The following AS3MT variants were observed in gnomAD, a reference collection of about 807,000 sequenced individuals.
AS3MT encodes S-adenosyl-L-methionine:arsenic(III) methyltransferase.
In AS3MT, 47 loss-of-function variants were observed where a neutral mutation model predicts 45.3. That is an observed-to-expected ratio of 1.04 (90% CI 0.82 to 1.32). The LOEUF (loss-of-function observed/expected upper bound fraction) is 1.32, where lower values mean the gene tolerates loss of function less well. Among genes scored for constraint, AS3MT ranks in the 40% most tolerant of loss-of-function variants. The pLI is 0.00. For missense variants in AS3MT, 396 were observed against 451.1 expected, an observed-to-expected ratio of 0.88 and a Z score of 1.11; for synonymous variants, 141 against 152.8, an observed-to-expected ratio of 0.92 and a Z score of 0.57.
At chr10:102,876,272 A>T (rs1844782979) in intron 6 of AS3MT, among the ~76,000 whole-genome samples, 1 of 151,770 alleles carries the variant, frequency 6.6e-6, no homozygotes. Context: ...TTTAATAGAA[A>T]TGGGGTCTTG....
chr10:102,872,593 G>A lies in AS3MT; in HGVS notation c.316G>A (p.Gly106Ser), dbSNP rs757323706. 2 of 1,600,434 alleles carry A rather than the reference G, an allele frequency of 1.2e-6. No homozygotes were observed. The highest frequency in any genetic ancestry group is 8.5e-7 in the Non-Finnish European group (1 of 1,175,934). ...CGTGACTGGAATAGACATGACCAAAGGCCAGGTGAGGCATGATTTGGAAGA... is the reference window on the plus strand; with the variant it reads ...CGTGACTGGAATAGACATGACCAAAAGCCAGGTGAGGCATGATTTGGAAGA... The part of the protein sequence containing the change: ...GHVTGIDMTK[G>S]QVEVAEKYLD... The change falls in exon 4 of 11, where the codon GGC becomes AGC. Residue 106 changes from glycine (G) to serine (S), a missense_variant. Physicochemically the swap from Gly to Ser is moderately conservative, Grantham distance 56 (BLOSUM62 0). Transcript: ENST00000369880.
At chr10:102,890,962 C>T (rs1263020549) in intron 10 of AS3MT, among the ~76,000 whole-genome samples, 1 of 152,192 alleles carries the variant, frequency 6.6e-6, no homozygotes. Context: ...ACCCACCTGC[C>T]TCAGTCTCCC....
chr10:102,893,189 A>C (rs1374690390), intron 10 of AS3MT, among the ~76,000 whole-genome samples: 1 of 152,172 alleles, frequency 6.6e-6, no homozygotes, highest in South Asian at 2.1e-4. Context: ...AGCACAATGC[A>C]TAGAAGTTAA....
Position 102,900,930 on chromosome 10 carries a change from A to AG in AS3MT, c.*230_*231insG, listed in dbSNP as rs1845259163. The AG allele has an allele frequency of 2.7e-6, 1 of 370,376 alleles. No individual in the cohort carries two copies. The highest frequency in any genetic ancestry group is 2.9e-5 in the South Asian group (1 of 34,472). The allele number at this position is 370,376 out of a possible 1,614,324, so 22.9% of individuals were successfully genotyped here. A position where few individuals can be genotyped will look rare whatever the true frequency, so the allele number is the denominator to read the frequency against. ...GAAATCCTGTCTCTACCAAAAATAC[A>AG]AAAAAAATTAGCTGGGCATGGTGGT... On this transcript the variant is annotated 3_prime_UTR_variant, in exon 11 of 11. Coordinates refer to ENST00000369880, the MANE Select transcript of AS3MT (RefSeq NM_020682.4).
chr10:102,877,097 C>T, intron 7 of AS3MT, 62 bp downstream of exon 7: 1 of 1,491,188 alleles, frequency 6.7e-7, no homozygotes, highest in African/African-American at 1.4e-5. Context: ...GAACTCCTTT[C>T]TGCTAATAGC....
intron 9 of AS3MT, among the ~76,000 whole-genome samples, chr10:102,884,851 A>AT (rs1844923815): frequency 6.6e-6 from 1 of 152,102 alleles, no homozygotes; most frequent in African/African-American, 2.4e-5. Flanking sequence ...CCGGCCAAAC[A>AT]TTTTTTTAAT....
chr10:102,899,609 A>G (rs1845238382), intron 10 of AS3MT, among the ~76,000 whole-genome samples: 1 of 151,802 alleles, frequency 6.6e-6, no homozygotes, highest in African/African-American at 2.4e-5. Context: ...AATAAGTAGT[A>G]GGACTGTAAA....
Position 102,901,234 on chromosome 10 carries a change from C to T in AS3MT, c.*534C>T, listed in dbSNP as rs1423175254. The T allele has an allele frequency of 6.6e-6, 1 of 151,682 alleles. No individual in the cohort carries two copies. Among genetic ancestry groups the T allele is most frequent in the Admixed American group, 6.6e-5 (1 of 15,194 alleles). The allele number at this position is 151,682 out of a possible 1,614,324, so 9.4% of individuals were successfully genotyped here. A position where few individuals can be genotyped will look rare whatever the true frequency, so the allele number is the denominator to read the frequency against. ...TTTGAGATGGAGTCTCGGTCTGTTGCCCAGGCTGAAGTGCAGTGGCCCCAT... is the reference window on the plus strand; with the variant it reads ...TTTGAGATGGAGTCTCGGTCTGTTGTCCAGGCTGAAGTGCAGTGGCCCCAT... On this transcript the variant is annotated 3_prime_UTR_variant, in exon 11 of 11. Transcript: ENST00000369880.
chr10:102,888,903 C>T (rs1461722941), intron 9 of AS3MT, among the ~76,000 whole-genome samples: 8 of 81,926 alleles, frequency 9.8e-5, no homozygotes, highest in East Asian at 3.1e-4. Context: ...TTTTTTGAGA[C>T]GGAGTCTCGC....
intron 10 of AS3MT, among the ~76,000 whole-genome samples, chr10:102,891,800 A>T (rs939731495): frequency 3.3e-5 from 5 of 151,900 alleles, no homozygotes; most frequent in African/African-American, 9.7e-5. Flanking sequence ...ATACAAAAAA[A>T]TTATCTGGGT....
At chr10:102,897,389 A>G (rs199773727) in intron 10 of AS3MT, among the ~76,000 whole-genome samples, 1 of 74,968 alleles carries the variant, frequency 1.3e-5, no homozygotes, top group African/African-American at 4.3e-5. Context: ...GTCTCAAGAA[A>G]AAAAAAAAAT....
intron 10 of AS3MT, among the ~76,000 whole-genome samples, chr10:102,895,774 C>A (rs1191312050): frequency 1.3e-5 from 2 of 150,352 alleles, no homozygotes; most frequent in Non-Finnish European, 3.0e-5. Context: ...CCCAATAATA[C>A]CAGCTTTTTT....
At chr10:102,872,337 G>A (rs1282253540) in intron 3 of AS3MT, 111 bp from the exon 4 acceptor site, 56 of 1,041,514 alleles carry the variant, frequency 5.4e-5, no homozygotes, top group Non-Finnish European at 6.2e-5. Flanking sequence ...CAAGAAAGAA[G>A]GAAGGAAGGA....
chr10:102,871,573 A>AAAAAAAAAAAAC (rs1844687128), intron 3 of AS3MT, among the ~76,000 whole-genome samples: 1 of 139,634 alleles, frequency 7.2e-6, no homozygotes, highest in Non-Finnish European at 1.5e-5. Flanking sequence ...AAAAAAAAAA[A>AAAAAAAAAAAAC]AAAAATTAGC....
chr10:102,873,851 G>A (rs1448368862), intron 5 of AS3MT, among the ~76,000 whole-genome samples: 1 of 152,128 alleles, frequency 6.6e-6, no homozygotes, highest in Non-Finnish European at 1.5e-5. Flanking sequence ...TATTTTCATG[G>A]TAAATTATAG....
chr10:102,871,727 C>CAAACAAAACA (rs139792328), intron 3 of AS3MT, among the ~76,000 whole-genome samples: 12,256 of 148,068 alleles, frequency 0.083, 539 homozygotes, highest in Middle Eastern at 0.14. Context: ...GACTCCGTCT[C>CAAACAAAACA]AAACAAAACA....
chr10:102,882,583 CTTAT>C (rs752223838), intron 9 of AS3MT, among the ~76,000 whole-genome samples: 5 of 151,664 alleles, frequency 3.3e-5, no homozygotes, highest in African/African-American at 9.7e-5. Context: ...CTTCAAATTT[CTTAT>C]TTATTTATTT....
chr10:102,900,743 T>C lies in AS3MT; in HGVS notation c.*43T>C. The C allele has an allele frequency of 6.8e-7, 1 of 1,472,840 alleles. No homozygotes were observed. The highest frequency in any genetic ancestry group is 9.5e-7 in the Non-Finnish European group (1 of 1,051,660). 91.2% of individuals were successfully genotyped at this position (1,472,840 alleles called of 1,614,324 possible). On this transcript the variant is annotated 3_prime_UTR_variant, in exon 11 of 11. Transcript: ENST00000369880. ...GGACCACAGTAGTGGGCAAGAGTGATCTGCATGTTTTTTAACCTGCTTTTC... is the reference window on the plus strand; with the variant it reads ...GGACCACAGTAGTGGGCAAGAGTGACCTGCATGTTTTTTAACCTGCTTTTC...
intron 10 of AS3MT, among the ~76,000 whole-genome samples, chr10:102,892,644 G>A (rs1845089377): frequency 6.6e-6 from 1 of 152,108 alleles, no homozygotes; most frequent in South Asian, 2.1e-4. Flanking sequence ...AATACTCTGA[G>A]TTATGAGATT....
Sources: gnomAD v4.1 joint callset for allele counts (sites outside exome capture counted in the v4.1 genomes callset) on GRCh38, gnomAD v4.1.1 for gene constraint, MANE v1.5 for transcripts, NCBI Gene and HGNC (gene_info 2026-07-23, HGNC 2026-07-21) for gene names.